The following DNAH5 variants were observed in gnomAD, a reference collection of about 807,000 sequenced individuals.
DNAH5 encodes dynein axonemal heavy chain 5, also known as axonemal beta dynein heavy chain 5.
DNAH5 carries 372 observed loss-of-function variants against 518.2 expected under a neutral mutation model. That is an observed-to-expected ratio of 0.72 (90% confidence interval 0.66 to 0.78). The LOEUF is 0.78. Among genes scored for constraint, DNAH5 ranks in the 30% least tolerant of loss-of-function variants. The probability of loss-of-function intolerance (pLI) is 0.00; values close to 1 mark genes in which losing one functional copy is unlikely to be tolerated. For missense variants in DNAH5, 5,523 were observed against 5,687.0 expected (o/e 0.97, Z 0.93); for synonymous variants, 2,039 against 2,025.9 (o/e 1.01, Z -0.17).
intron 76 of DNAH5, among the ~76,000 whole-genome samples, chr5:13,703,054 C>T (rs1406764661): frequency 6.6e-6 from 1 of 152,122 alleles, no homozygotes; most frequent in East Asian, 1.9e-4. Context: ...CTACCTTCAG[C>T]ATCTTTAGTG....
chr5:13,712,040 G>C (rs905237734), intron 75 of DNAH5, among the ~76,000 whole-genome samples: 2 of 152,114 alleles, frequency 1.3e-5, no homozygotes, highest in East Asian at 3.8e-4. Flanking sequence ...AACCAAAAAA[G>C]AGCCTGCCTA....
At chr5:13,794,157 T>C (rs569626300) in intron 47 of DNAH5, 99 bp from the exon 48 acceptor site, 2 of 1,498,174 alleles carry the variant, frequency 1.3e-6, no homozygotes, top group South Asian at 1.2e-5. Flanking sequence ...TTTGAACTGA[T>C]ATGAATTATT....
chr5:13,962,869 G>A (rs1479763273), intron 1 of DNAH5, among the ~76,000 whole-genome samples: 2 of 152,128 alleles, frequency 1.3e-5, no homozygotes, highest in African/African-American at 4.8e-5. Context: ...GGTAATGAGA[G>A]TTTAAGACAC....
Position 13,700,789 on chromosome 5 carries a change from A to G in DNAH5, c.13574T>C (p.Ile4525Thr). 6.2e-7 allele frequency: 1 copy of G among 1,614,162 alleles called. No homozygotes were observed. The highest frequency in any genetic ancestry group is 1.1e-5 in the South Asian group (1 of 91,082). Reference protein sequence around the residue: ...NEVTKWMKDDISAPPTEGVYV... With the variant: ...NEVTKWMKDDTSAPPTEGVYV... ...GACACCCTCTGTGGGAGGGGCAGAAATGTCGTCCTTCATCCATTTGGTGAC... is the reference window on the plus strand; with the variant it reads ...GACACCCTCTGTGGGAGGGGCAGAAGTGTCGTCCTTCATCCATTTGGTGAC... The change falls in exon 78 of 79, where the codon ATT becomes ACT. Residue 4525 changes from isoleucine (I) to threonine (T), a missense_variant. Around this residue, in one of 3 missense-constraint regions of DNAH5, gnomAD observed 387 missense variants for 430.0 expected, o/e 0.90. Coordinates refer to ENST00000265104, the MANE Select transcript of DNAH5 (RefSeq NM_001369.3).
chr5:14,006,671 C>T (rs1784742272), intron 1 of DNAH5, among the ~76,000 whole-genome samples: 1 of 152,176 alleles, frequency 6.6e-6, no homozygotes, highest in Non-Finnish European at 1.5e-5. Flanking sequence ...ATTCAATGTA[C>T]AAACCTGGAG....
chr5:13,722,342 G>T (rs888891364), intron 70 of DNAH5, among the ~76,000 whole-genome samples: 6 of 152,160 alleles, frequency 3.9e-5, no homozygotes, highest in African/African-American at 1.4e-4. Flanking sequence ...TCGATATCTT[G>T]CTATCCCCTA....
At chr5:13,842,817 T>C (rs1298139576) in intron 32 of DNAH5, among the ~76,000 whole-genome samples, 7 of 152,268 alleles carry the variant, frequency 4.6e-5, no homozygotes, top group Middle Eastern at 3.4e-3. Flanking sequence ...CTGCCCCCGA[T>C]TGTAGAAACC....
chr5:13,790,946 A>G (rs1420094338), intron 50 of DNAH5, among the ~76,000 whole-genome samples: 1 of 152,116 alleles, frequency 6.6e-6, no homozygotes, highest in Non-Finnish European at 1.5e-5. Context: ...GAGAGAGAGG[A>G]GCAGAAAAGA....
chr5:13,690,406 C>T lies in DNAH5; in HGVS notation c.*1578G>A, dbSNP rs1168265955. On this transcript the variant is annotated 3_prime_UTR_variant, in exon 79 of 79. Transcript: ENST00000265104. ...TTTTCAAAATGAAATGATTGTTTCA[C>T]CACAATTCACACAAATCAACTGATA... 1 of 152,042 alleles carries T rather than the reference C, an allele frequency of 6.6e-6. No homozygotes were observed. Among genetic ancestry groups the T allele is most frequent in the Non-Finnish European group, 1.5e-5 (1 of 68,010 alleles). 9.4% of individuals were successfully genotyped at this position (152,042 alleles called of 1,614,324 possible).
Position 13,928,148 on chromosome 5 carries a change from C to T in DNAH5, c.223G>A (p.Gly75Arg), listed in dbSNP as rs1355502912. The T allele has an allele frequency of 1.9e-6, 3 of 1,613,686 alleles. No individual in the cohort carries two copies. Among genetic ancestry groups the T allele is most frequent in the Non-Finnish European group, 2.5e-6 (3 of 1,179,858 alleles). Residue 75 changes from glycine (G) to arginine (R), a missense_variant, in exon 3 of 79, where the codon GGA becomes AGA. By Grantham distance (125) the Gly-to-Arg change is moderately radical. Around this residue, in one of 3 missense-constraint regions of DNAH5, gnomAD observed 5,121 missense variants for 5,223.3 expected, o/e 0.98. Transcript: ENST00000265104. The part of the protein sequence containing the change: ...IERIDQLFAV[G>R]GLRHLMFYYQ... ...TAAAACATGAGGTGTCGGAGACCTCCAACAGCAAAAAGTTGATCAATTCTT... is the reference window on the plus strand; with the variant it reads ...TAAAACATGAGGTGTCGGAGACCTCTAACAGCAAAAAGTTGATCAATTCTT...
intron 47 of DNAH5, among the ~76,000 whole-genome samples, chr5:13,802,007 A>G (rs2126963396): frequency 6.6e-6 from 1 of 152,298 alleles, no homozygotes; most frequent in African/African-American, 2.4e-5. Context: ...ATTGTGAAAT[A>G]TTGATTTAGA....
intron 47 of DNAH5, among the ~76,000 whole-genome samples, chr5:13,796,134 T>A (rs1010434572): frequency 6.6e-6 from 1 of 152,174 alleles, no homozygotes; most frequent in African/African-American, 2.4e-5. Flanking sequence ...CTTTGAAAAC[T>A]GGCACAAGAC....
chr5:13,700,049 G>C lies in DNAH5; in HGVS notation c.13723+591C>G, dbSNP rs575411195. Among the ~76,000 whole-genome samples, 19 of 152,324 alleles carry C rather than the reference G, an allele frequency of 1.2e-4. No individual in the cohort carries two copies. In the East Asian group the frequency reaches 3.5e-3, roughly 28 times the overall value. On this transcript the variant is annotated intron_variant, in intron 78 of 78. Transcript: ENST00000265104. ...AATCACGTGTGTACTTCACAGAAGT[G>C]TTATTACATTCAAAGACTGAAGTAA...
intron 21 of DNAH5, among the ~76,000 whole-genome samples, chr5:13,878,152 AAC>A (rs1044176170): frequency 3.3e-5 from 5 of 152,102 alleles, no homozygotes; most frequent in African/African-American, 7.2e-5. Context: ...GGGCTTAAAA[AAC>A]ACAGTCTTCT....
At chr5:13,859,936 C>T (rs4701993) in intron 29 of DNAH5, among the ~76,000 whole-genome samples, 59,828 of 151,916 alleles carry the variant, frequency 0.39, 11,927 homozygotes, top group South Asian at 0.47. Context: ...TAATATTTGC[C>T]CTACTGAGCT....
At chr5:13,921,273 C>G (rs542273010) in intron 5 of DNAH5, among the ~76,000 whole-genome samples, 69 of 152,114 alleles carry the variant, frequency 4.5e-4, no homozygotes, top group Middle Eastern at 3.4e-3. Flanking sequence ...CGTAATGCCC[C>G]TTCCCCAATC....
intron 1 of DNAH5, among the ~76,000 whole-genome samples, chr5:13,952,839 G>A (rs1402744551): frequency 6.6e-6 from 1 of 152,184 alleles, no homozygotes; most frequent in African/African-American, 2.4e-5. Flanking sequence ...TTGGAGTGCA[G>A]TGGTGCAATC....
chr5:13,873,421 G>C (rs1770420027), intron 22 of DNAH5, among the ~76,000 whole-genome samples: 1 of 151,976 alleles, frequency 6.6e-6, no homozygotes, highest in African/African-American at 2.4e-5. Context: ...CCTCAATCTT[G>C]TTTTTCTCAT....
intron 1 of DNAH5, among the ~76,000 whole-genome samples, chr5:13,990,831 C>T (rs1783490796): frequency 1.3e-5 from 2 of 152,132 alleles, no homozygotes; most frequent in Non-Finnish European, 1.5e-5. Context: ...TGCACCATTG[C>T]ACTCCAGCCT....
Sources: gnomAD v4.1 joint callset for allele counts (sites outside exome capture counted in the v4.1 genomes callset) on GRCh38, gnomAD v4.1.1 for gene constraint, gnomAD v4.1.1 regional missense constraint, MANE v1.5 for transcripts, NCBI Gene and HGNC (gene_info 2026-07-23, HGNC 2026-07-21) for gene names.